The following KCNJ5 variants were observed in gnomAD, a reference collection of about 807,000 sequenced individuals.
KCNJ5 encodes the protein G protein-activated inward rectifier potassium channel 4.
Under a neutral mutation model 20.2 loss-of-function variants are expected in KCNJ5, and 12 were observed. The observed-to-expected ratio is 0.59, with a 90% confidence interval of 0.38 to 0.96. The LOEUF (loss-of-function observed/expected upper bound fraction) is 0.96. KCNJ5 is among the 40% of genes least tolerant of loss of function. KCNJ5 has a pLI of 0.00. For synonymous variants in KCNJ5, 210 were observed against 213.9 expected (o/e 0.98, Z 0.16); for missense variants, 449 against 557.6 (o/e 0.81, Z 1.96).
chr11:128,907,261 T>C (rs1179531702), intron 1 of KCNJ5, among the ~76,000 whole-genome samples: 1 of 152,162 alleles, frequency 6.6e-6, no homozygotes, highest in Non-Finnish European at 1.5e-5. Context: ...AGACTGAGTC[T>C]GTGAAAAGAC....
rs573555148 is a variant in KCNJ5, at chr11:128,914,088, G to A, written c.937+1878G>A. Among the ~76,000 whole-genome samples, 4 of 152,374 alleles carry A rather than the reference G, an allele frequency of 2.6e-5. No individual in the cohort carries two copies. The South Asian group carries it at 6.2e-4, about 24-fold the overall frequency. ...GGGGCCGAGGACAGTCAGGACTCAGGAAGGTTTCCCCCACAGAGCTAGGGG... is the reference window on the plus strand; with the variant it reads ...GGGGCCGAGGACAGTCAGGACTCAGAAAGGTTTCCCCCACAGAGCTAGGGG... On this transcript the variant is annotated intron_variant, in intron 2 of 2. Transcript: ENST00000529694.
chr11:128,894,576 GA>G (rs1469149795), intron 1 of KCNJ5, among the ~76,000 whole-genome samples: 1 of 152,098 alleles, frequency 6.6e-6, no homozygotes, highest in African/African-American at 2.4e-5. Context: ...ATTTTCTAAA[GA>G]AAAAAACAAG....
intron 1 of KCNJ5, chr11:128,902,533 A>G: frequency 6.3e-7 from 1 of 1,579,494 alleles, no homozygotes; most frequent in Non-Finnish European, 8.6e-7. Context: ...TGGGGAGCAC[A>G]GGGCTATTGG....
At chr11:128,897,362 T>C (rs1021134885) in intron 1 of KCNJ5, among the ~76,000 whole-genome samples, 2 of 152,102 alleles carry the variant, frequency 1.3e-5, no homozygotes, top group African/African-American at 4.8e-5. Context: ...CCTCCCAAAA[T>C]GCTGGGATTA....
chr11:128,903,633 C>T, intron 1 of KCNJ5: 1 of 1,065,440 alleles, frequency 9.4e-7, no homozygotes. Flanking sequence ...TGACGGGGCA[C>T]TCTTGGTGAT....
intron 1 of KCNJ5, chr11:128,903,436 G>C: frequency 6.2e-7 from 1 of 1,614,202 alleles, no homozygotes; most frequent in Non-Finnish European, 8.5e-7. Context: ...GGTTACTATG[G>C]CATGCACATC....
rs182145253 is a variant in KCNJ5 at position 128,893,614 on chromosome 11, G to A, written c.-11+1893G>A. On this transcript the variant is annotated intron_variant, in intron 1 of 2. Coordinates refer to ENST00000529694, the MANE Select transcript of KCNJ5 (RefSeq NM_000890.5). ...TCTCCAAAAGCTGCTATAAACTGCCGGCATTACTCACAGGCAGCATTTTTT... is the reference window on the plus strand; with the variant it reads ...TCTCCAAAAGCTGCTATAAACTGCCAGCATTACTCACAGGCAGCATTTTTT... Among the ~76,000 whole-genome samples, 552 of 152,174 alleles carry A rather than the reference G, an allele frequency of 3.6e-3. 6 individuals are homozygous for A. The highest frequency in any genetic ancestry group is 0.013 in the African/African-American group (532 of 41,516).
chr11:128,902,594 AG>A (rs1291916095), intron 1 of KCNJ5: 3 of 1,612,770 alleles, frequency 1.9e-6, no homozygotes, highest in East Asian at 2.2e-5. Context: ...ATGGGCACTG[AG>A]GGGGTAGCCC....
chr11:128,911,664 G>A lies in KCNJ5; in HGVS notation c.391G>A (p.Glu131Lys), dbSNP rs757211184. ...CGACCAAGAGTGGATTCCTTGTGTT[G>A]AAAACCTCAGTGGCTTCGTGTCCGC... is the stretch of plus-strand genomic sequence containing the variant. ...VGDQEWIPCV[E>K]NLSGFVSAFL... The change falls in exon 2 of 3, where the codon GAA becomes AAA. Residue 131 changes from glutamate (E) to lysine (K), a missense_variant. Transcript: ENST00000529694. The surrounding 1 kb of genome is among the most constrained non-coding windows in gnomAD (Gnocchi z 6.3). 11 of 1,614,226 alleles carry A rather than the reference G, an allele frequency of 6.8e-6. No homozygotes were observed. Among genetic ancestry groups the A allele is most frequent in the Non-Finnish European group, 6.8e-6 (8 of 1,180,038 alleles).
chr11:128,907,400 G>A (rs1356158571), intron 1 of KCNJ5, among the ~76,000 whole-genome samples: 13 of 152,292 alleles, frequency 8.5e-5, no homozygotes, highest in South Asian at 4.1e-4. Flanking sequence ...CTGTGGGTGC[G>A]TGATGTTTGA....
chr11:128,911,270 A>G lies in KCNJ5; in HGVS notation c.-4A>G. The G allele has an allele frequency of 6.2e-7, 1 of 1,613,660 alleles. No homozygotes were observed. The highest frequency in any genetic ancestry group is 1.7e-4 in the Middle Eastern group (1 of 6,060). Reference sequence around the variant, plus strand: ...GTGTCTTTTTAACTCAAAGCATCCCAGCTATGGCTGGCGATTCTAGGAATG... The same window carrying G: ...GTGTCTTTTTAACTCAAAGCATCCCGGCTATGGCTGGCGATTCTAGGAATG... On this transcript the variant is annotated 5_prime_UTR_variant, in exon 2 of 3. Coordinates refer to ENST00000529694, the MANE Select transcript of KCNJ5 (RefSeq NM_000890.5). The surrounding 1 kb of genome is among the most constrained non-coding windows in gnomAD (Gnocchi z 6.3).
chr11:128,913,572 C>CTG (rs1212191694), intron 2 of KCNJ5, among the ~76,000 whole-genome samples: 19 of 73,700 alleles, frequency 2.6e-4, no homozygotes, highest in African/African-American at 1.1e-3. Flanking sequence ...CTTCCTTTCT[C>CTG]TCTCTCTCTC....
At chr11:128,914,629 G>A (rs1944550745) in intron 2 of KCNJ5, among the ~76,000 whole-genome samples, 1 of 152,212 alleles carries the variant, frequency 6.6e-6, no homozygotes, top group African/African-American at 2.4e-5. Context: ...TGAGCAAGCT[G>A]CTTACCTTGT....
At chr11:128,902,652 C>A in intron 1 of KCNJ5, 1 of 1,614,036 alleles carries the variant, frequency 6.2e-7, no homozygotes, top group Non-Finnish European at 8.5e-7. Flanking sequence ...GAGTTCTCCT[C>A]TTCCTGCCGG....
At chr11:128,912,642 C>CT (rs1177986458) in intron 2 of KCNJ5, among the ~76,000 whole-genome samples, 2 of 152,152 alleles carry the variant, frequency 1.3e-5, no homozygotes, top group African/African-American at 4.8e-5. Flanking sequence ...TCTGGAGTAG[C>CT]TGGGATTACA....
At chr11:128,914,541 C>T (rs1565553552) in intron 2 of KCNJ5, among the ~76,000 whole-genome samples, 1 of 152,196 alleles carries the variant, frequency 6.6e-6, no homozygotes, top group Non-Finnish European at 1.5e-5. Context: ...TTGTCAAGCA[C>T]ATGCAGCCAG....
intron 1 of KCNJ5, among the ~76,000 whole-genome samples, chr11:128,892,287 A>G (rs188627593): frequency 1.3e-3 from 197 of 152,360 alleles, no homozygotes; most frequent in African/African-American, 4.6e-3. Flanking sequence ...CCAGGGGTCA[A>G]GCCTGTGAGG....
intron 1 of KCNJ5, chr11:128,903,264 C>T (rs982071887): frequency 4.5e-5 from 59 of 1,309,266 alleles, no homozygotes; most frequent in Non-Finnish European, 6.0e-5. Context: ...TCTAAGACAT[C>T]CCATTTAAAT....
chr11:128,904,100 A>G (rs1944347145), intron 1 of KCNJ5, among the ~76,000 whole-genome samples: 1 of 152,180 alleles, frequency 6.6e-6, no homozygotes, highest in Non-Finnish European at 1.5e-5. Flanking sequence ...GACTTAATAG[A>G]TCTGTTTCAG....
Sources: allele counts gnomAD v4.1 joint callset (sites outside exome capture counted in the v4.1 genomes callset), GRCh38; gene constraint gnomAD v4.1.1; non-coding constraint Gnocchi (gnomAD v3.1); transcripts MANE v1.5; gene names NCBI Gene and HGNC (gene_info 2026-07-23, HGNC 2026-07-21).